The following IKZF3 variants were observed in gnomAD, a reference collection of about 807,000 sequenced individuals.
IKZF3 encodes zinc finger protein Aiolos.
In IKZF3, 10 loss-of-function variants were observed where a neutral mutation model predicts 49.0. The observed-to-expected ratio is 0.20, with a 90% CI of 0.13 to 0.35. The LOEUF is 0.35. Ranked by LOEUF, IKZF3 falls within the 10% of genes least tolerant of loss-of-function variation. IKZF3 has a pLI of 1.00. For missense variants in IKZF3, 498 were observed against 664.8 expected (o/e 0.75, Z 2.76); for synonymous variants, 209 against 228.2 (o/e 0.92, Z 0.76).
At chr17:39,857,947 C>T (rs1258873688) in intron 1 of IKZF3, among the ~76,000 whole-genome samples, 1 of 146,324 alleles carries the variant, frequency 6.8e-6, no homozygotes, top group Non-Finnish European at 1.5e-5. Context: ...TGTAGAGAGA[C>T]CTCATCTCAA....
At chr17:39,774,530 C>T (rs2060529815) in intron 7 of IKZF3, among the ~76,000 whole-genome samples, 1 of 152,166 alleles carries the variant, frequency 6.6e-6, no homozygotes, top group African/African-American at 2.4e-5. Context: ...AATAATGTTC[C>T]TTTCTCCCTC....
rs529727065 is a variant in IKZF3 at position 39,850,033 on chromosome 17, G to A, written c.7+14087C>T. 5.0e-3 allele frequency among the ~76,000 whole-genome samples: 656 copies of A among 132,192 alleles called. 5 individuals are homozygous for A. The highest frequency in any genetic ancestry group is 7.5e-3 in the Middle Eastern group (2 of 266). 86.7% of individuals were successfully genotyped at this position (132,192 alleles called of 152,430 possible). On this transcript the variant is annotated intron_variant, in intron 1 of 7. Coordinates refer to ENST00000346872, the MANE Select transcript of IKZF3 (RefSeq NM_012481.5). ...TTCCTGGGGGTGTGTGTGTGTGTGTGTATATATATAATATATAGTATATTA... is the reference window on the plus strand; with the variant it reads ...TTCCTGGGGGTGTGTGTGTGTGTGTATATATATATAATATATAGTATATTA...
At chr17:39,834,117 T>C (rs2062193286) in intron 1 of IKZF3, among the ~76,000 whole-genome samples, 1 of 152,206 alleles carries the variant, frequency 6.6e-6, no homozygotes. Flanking sequence ...GATGTGTTTG[T>C]TTTTCTCATG....
At chr17:39,862,647 T>C (rs1029823236) in intron 1 of IKZF3, among the ~76,000 whole-genome samples, 2 of 152,164 alleles carry the variant, frequency 1.3e-5, no homozygotes, top group Non-Finnish European at 2.9e-5. Flanking sequence ...ATCTATACTA[T>C]CTATCTCCAT....
chr17:39,853,240 G>T (rs1345902411), intron 1 of IKZF3, among the ~76,000 whole-genome samples: 1 of 152,020 alleles, frequency 6.6e-6, no homozygotes, highest in African/African-American at 2.4e-5. Context: ...TGTATTGCCA[G>T]TATTTTGCAT....
chr17:39,845,324 A>G (rs2062598797), intron 1 of IKZF3, among the ~76,000 whole-genome samples: 1 of 152,078 alleles, frequency 6.6e-6, no homozygotes, highest in South Asian at 2.1e-4. Flanking sequence ...GGTCGAGACC[A>G]GCCTGGTCAA....
intron 3 of IKZF3, among the ~76,000 whole-genome samples, chr17:39,799,557 C>G (rs1420082926): frequency 6.6e-6 from 1 of 152,176 alleles, no homozygotes; most frequent in Non-Finnish European, 1.5e-5. Flanking sequence ...ATAAGCAGTT[C>G]TGCAACCGCC....
chr17:39,818,254 G>A (rs2061722093), intron 3 of IKZF3, among the ~76,000 whole-genome samples: 1 of 152,226 alleles, frequency 6.6e-6, no homozygotes, highest in South Asian at 2.1e-4. Context: ...ACATTATGTG[G>A]TATATGACTG....
At chr17:39,861,613 T>C (rs1481858411) in intron 1 of IKZF3, among the ~76,000 whole-genome samples, 1 of 152,168 alleles carries the variant, frequency 6.6e-6, no homozygotes, top group Non-Finnish European at 1.5e-5. Flanking sequence ...TTCCATCATC[T>C]ACAGGCTTTA....
intron 6 of IKZF3, among the ~76,000 whole-genome samples, chr17:39,781,103 A>G (rs1367857783): frequency 2.0e-5 from 3 of 152,218 alleles, no homozygotes; most frequent in Non-Finnish European, 2.9e-5. Flanking sequence ...TTCAGCCACA[A>G]GACACTGCTA....
In IKZF3 at chr17:39,835,789, T is replaced by C. The variant is rs1598158073; in HGVS notation, c.8-3638A>G. The C allele has an allele frequency of 1.8e-5, 9 of 512,936 alleles. No individual in the cohort carries two copies. The East Asian group carries it at 3.8e-4, about 22-fold the overall frequency. The allele number at this position is 512,936 out of a possible 1,614,324, so 31.8% of individuals were successfully genotyped here. A position where few individuals can be genotyped will look rare whatever the true frequency, so the allele number is the denominator to read the frequency against. On this transcript the variant is annotated intron_variant, in intron 1 of 7. Transcript: ENST00000346872. ...GGTAAGACTCCATCCAGCTCCACCC[T>C]ATTCATGTATGCCTCATCCACATCC...
chr17:39,801,250 T>C (rs926927728), intron 3 of IKZF3, among the ~76,000 whole-genome samples: 4 of 151,246 alleles, frequency 2.6e-5, no homozygotes, highest in African/African-American at 9.7e-5. Context: ...CAAAGAAGCT[T>C]AATCATCTTA....
chr17:39,794,091 T>A (rs1360512304), intron 3 of IKZF3, among the ~76,000 whole-genome samples: 1 of 152,022 alleles, frequency 6.6e-6, no homozygotes, highest in African/African-American at 2.4e-5. Context: ...TGGAAGGGAA[T>A]TTAAAGGTCA....
intron 3 of IKZF3, among the ~76,000 whole-genome samples, chr17:39,806,777 A>G (rs1475869788): frequency 6.6e-6 from 1 of 152,168 alleles, no homozygotes; most frequent in Non-Finnish European, 1.5e-5. Context: ...GCTTCTAATG[A>G]AAAAAACATG....
rs549548429 is a variant in IKZF3, at chr17:39,860,123, C to T, written c.7+3997G>A. ...TCATGGCGGTTTGTACAATAAATTA[C>T]CAGGTTATGGTGGTGGATGCCTGTA... On this transcript the variant is annotated intron_variant, in intron 1 of 7. Coordinates refer to ENST00000346872, the MANE Select transcript of IKZF3 (RefSeq NM_012481.5). 2.0e-3 allele frequency among the ~76,000 whole-genome samples: 301 copies of T among 151,984 alleles called. 1 individual carries two copies. Among genetic ancestry groups the T allele is most frequent in the Middle Eastern group, 6.8e-3 (2 of 294 alleles).
In IKZF3 at chr17:39,765,432, G is replaced by C. The variant is rs1437641665; in HGVS notation, c.*358C>G. 5.6e-6 allele frequency: 1 copy of C among 178,824 alleles called. No homozygotes were observed. The highest frequency in any genetic ancestry group is 1.2e-5 in the Non-Finnish European group (1 of 84,416). The allele number at this position is 178,824 out of a possible 1,614,324, so 11.1% of individuals were successfully genotyped here. ...TGTGGATTTGCATGTATGACTGAAA[G>C]GCTTTTCCACGTGTGGTTGATATAT... is the stretch of plus-strand genomic sequence containing the variant. On this transcript the variant is annotated 3_prime_UTR_variant, in exon 8 of 8. Coordinates refer to ENST00000346872, the MANE Select transcript of IKZF3 (RefSeq NM_012481.5).
chr17:39,856,108 G>A (rs181503877), intron 1 of IKZF3, among the ~76,000 whole-genome samples: 2 of 149,124 alleles, frequency 1.3e-5, no homozygotes, highest in East Asian at 3.9e-4. Flanking sequence ...TATTGTATAT[G>A]TACAATATAA....
intron 7 of IKZF3, among the ~76,000 whole-genome samples, chr17:39,769,811 T>C (rs1337723711): frequency 6.6e-6 from 1 of 152,234 alleles, no homozygotes; most frequent in African/African-American, 2.4e-5. Flanking sequence ...TTATCCTTTC[T>C]CCTAAGAGTT....
intron 3 of IKZF3, among the ~76,000 whole-genome samples, chr17:39,808,540 T>C (rs945264360): frequency 1.3e-5 from 2 of 152,336 alleles, no homozygotes; most frequent in Non-Finnish European, 1.5e-5. Flanking sequence ...ACTGTCTCAC[T>C]TTCTGTTCTG....
Sources: gnomAD v4.1 joint callset for allele counts (sites outside exome capture counted in the v4.1 genomes callset) on GRCh38, gnomAD v4.1.1 for gene constraint, MANE v1.5 for transcripts, NCBI Gene and HGNC (gene_info 2026-07-23, HGNC 2026-07-21) for gene names.